The following CA9 variants were observed in gnomAD, a reference collection of about 807,000 sequenced individuals.
The protein encoded by CA9 is carbonic anhydrase 9.
CA9 carries 43 observed loss-of-function variants against 51.8 expected under a neutral mutation model. The ratio of observed to expected loss-of-function variants is 0.83; its 90% CI spans 0.65 to 1.07. The LOEUF is 1.07. Among genes scored for constraint, CA9 ranks in the 50% least tolerant of loss-of-function variants. CA9 has a pLI of 0.00. For missense variants in CA9, 574 were observed against 581.4 expected, an observed-to-expected ratio of 0.99 and a Z score of 0.13; for synonymous variants, 253 against 244.2, an observed-to-expected ratio of 1.04 and a Z score of -0.34.
chr9:35,678,988 C>T (rs2131839575), intron 6 of CA9, among the ~76,000 whole-genome samples, 197 bp from the exon 7 acceptor site: 1 of 152,128 alleles, frequency 6.6e-6, no homozygotes, highest in African/African-American at 2.4e-5. Flanking sequence ...CTCTTGCTTC[C>T]TCAGGCCTCT....
In CA9 at chr9:35,674,288, T is replaced by A. The variant is rs764592232; in HGVS notation, c.329T>A (p.Leu110Ter). The A allele has an allele frequency of 4.3e-6, 7 of 1,614,006 alleles. No homozygotes were observed. Among genetic ancestry groups the A allele is most frequent in the Non-Finnish European group, 5.9e-6 (7 of 1,180,014 alleles). The change falls in exon 1 of 11, where the codon TTA becomes TAA. Residue 110 changes from leucine to a stop codon, truncating the protein, a stop_gained. Coordinates refer to ENST00000378357, the MANE Select transcript of CA9 (RefSeq NM_001216.3). LOFTEE classifies it high-confidence loss of function. ...TCAGAAGAAGAGGGCTCCCTGAAGTTAGAGGATCTACCTACTGTTGAGGCT... is the reference window on the plus strand; with the variant it reads ...TCAGAAGAAGAGGGCTCCCTGAAGTAAGAGGATCTACCTACTGTTGAGGCT... ...PKSEEEGSLK[L>*]EDLPTVEAPG...
At chr9:35,677,743 T>TG in intron 5 of CA9, 47 bp from the exon 6 acceptor site, 1 of 1,494,214 alleles carries the variant, frequency 6.7e-7, no homozygotes, top group Non-Finnish European at 9.3e-7. Flanking sequence ...CCTTCAGCCA[T>TG]GGCCCTGGAT....
chr9:35,679,846 C>T lies in CA9; in HGVS notation c.1066-8C>T. 6.3e-7 allele frequency: 1 copy of T among 1,591,144 alleles called. No homozygotes were observed. Among genetic ancestry groups the T allele is most frequent in the Non-Finnish European group, 8.5e-7 (1 of 1,169,612 alleles). ...GAACCCACCCACACTGTCCACTGAC[C>T]TCCCTAGCTCCACACCCTCTCTGAC... On this transcript the variant is annotated splice_polypyrimidine_tract_variant and splice_region_variant and intron_variant, in intron 7 of 10. Coordinates refer to ENST00000378357, the MANE Select transcript of CA9 (RefSeq NM_001216.3).
Position 35,675,882 on chromosome 9 carries a change from C to T in CA9, c.555C>T (p.Phe185=), listed in dbSNP as rs765842549. The T allele has an allele frequency of 1.2e-6, 2 of 1,606,278 alleles. No homozygotes were observed. Among genetic ancestry groups the T allele is most frequent in the African/African-American group, 2.7e-5 (2 of 75,018 alleles). The change falls in exon 3 of 11, where the codon TTC becomes TTT. Residue 185 remains phenylalanine (F), a synonymous_variant. Transcript: ENST00000378357. The stretch of plus-strand genomic sequence containing the variant: ...TGCGCCCCCTGGAACTCCTGGGCTT[C>T]CAGCTCCCGCCGCTCCCAGAACTGC... ...PALRPLELLG[F]QLPPLPELRL... is the part of the protein sequence containing the mutation.
At chr9:35,676,820 A>T (rs555434495) in intron 5 of CA9, among the ~76,000 whole-genome samples, 1 of 152,254 alleles carries the variant, frequency 6.6e-6, no homozygotes, top group South Asian at 2.1e-4. Context: ...AAGGGAAGGG[A>T]TGGTGAGATG....
chr9:35,680,084 C>T (rs749798307), intron 8 of CA9, 29 bp from the exon 9 acceptor site: 14 of 1,614,160 alleles, frequency 8.7e-6, no homozygotes, highest in East Asian at 4.5e-5. Flanking sequence ...GGTCACAGCC[C>T]GCCTCTCACA....
At position 35,676,057 on chromosome 9, in the gene CA9, T is replaced by C; in HGVS notation, c.605-7T>C. The C allele has an allele frequency of 6.2e-7, 1 of 1,612,770 alleles. No individual in the cohort carries two copies. The highest frequency in any genetic ancestry group is 8.5e-7 in the Non-Finnish European group (1 of 1,179,652). ...CGGGGCCGGCTCACTTGCCTCTCCC[T>C]ACGCAGTGCAACTGACCCTGCCTCC... On this transcript the variant is annotated splice_region_variant and splice_polypyrimidine_tract_variant and intron_variant, in intron 3 of 10. Transcript: ENST00000378357.
chr9:35,678,346 C>CA (rs11327436), intron 6 of CA9, among the ~76,000 whole-genome samples: 37,989 of 93,408 alleles, frequency 0.41, 7,393 homozygotes, highest in Non-Finnish European at 0.53. Context: ...ACTCTTGTCT[C>CA]AAAAAAAAAA....
At chr9:35,680,373 T>C (rs3750432) in intron 9 of CA9, among the ~76,000 whole-genome samples, 29,676 of 142,676 alleles carry the variant, frequency 0.21, 3,562 homozygotes, top group Non-Finnish European at 0.27. Flanking sequence ...ATCCCCCCCC[T>C]TTTTTTAAAG....
chr9:35,678,300 C>T (rs562367779), intron 6 of CA9, among the ~76,000 whole-genome samples: 36 of 146,074 alleles, frequency 2.5e-4, no homozygotes, highest in Non-Finnish European at 3.6e-4. Flanking sequence ...GAGCCGAGAT[C>T]GTGCCACTGC....
At position 35,681,037 on chromosome 9, in the gene CA9, T is replaced by C. The variant is rs764891118; in HGVS notation, c.*12T>C. 2 of 1,612,672 alleles carry C rather than the reference T, an allele frequency of 1.2e-6. No homozygotes were observed. Among genetic ancestry groups the C allele is most frequent in the Non-Finnish European group, 1.7e-6 (2 of 1,179,550 alleles). Reference sequence around the variant, plus strand: ...AGACTGGAGCCTAGAGGCTGGATCTTGGAGAATGTGAGAAGCCAGCCAGAG... The same window carrying C: ...AGACTGGAGCCTAGAGGCTGGATCTCGGAGAATGTGAGAAGCCAGCCAGAG... On this transcript the variant is annotated 3_prime_UTR_variant, in exon 11 of 11. Coordinates refer to ENST00000378357, the MANE Select transcript of CA9 (RefSeq NM_001216.3).
rs1437388875 is a variant in CA9 at position 35,673,969 on chromosome 9, C to G, written c.10C>G (p.Leu4Val). ...CCCCACAGTCAGCCGCATGGCTCCC[C>G]TGTGCCCCAGCCCCTGGCTCCCTCT... The part of the protein sequence containing the change: MAP[L>V]CPSPWLPLLI... The change falls in exon 1 of 11, where the codon CTG (leucine) becomes GTG (valine). Residue 4 changes from leucine to valine, a missense_variant. Physicochemically the swap from Leu to Val is conservative, Grantham distance 32 (BLOSUM62 1). Coordinates refer to ENST00000378357, the MANE Select transcript of CA9 (RefSeq NM_001216.3). The G allele has an allele frequency of 1.2e-6, 2 of 1,601,912 alleles. No homozygotes were observed. Among genetic ancestry groups the G allele is most frequent in the Admixed American group, 1.7e-5 (1 of 59,154 alleles).
chr9:35,674,304 TG>T lies in CA9; in HGVS notation c.346del (p.Val116LeufsTer89). ...CCCTGAAGTTAGAGGATCTACCTACTGTTGAGGCTCCTGGAGATCCTCAAGA... is the reference window on the plus strand; with the variant it reads ...CCCTGAAGTTAGAGGATCTACCTACTTTGAGGCTCCTGGAGATCCTCAAGA... The part of the protein sequence containing the change: ...GSLKLEDLPT[V>X]EAPGDPQEPQ... On this transcript the variant is annotated frameshift_variant, in exon 1 of 11. Coordinates refer to ENST00000378357, the MANE Select transcript of CA9 (RefSeq NM_001216.3). LOFTEE classifies it high-confidence loss of function. 6.2e-7 allele frequency: 1 copy of T among 1,614,120 alleles called. No homozygotes were observed. The highest frequency in any genetic ancestry group is 8.5e-7 in the Non-Finnish European group (1 of 1,179,998).
rs778061487 is a variant in CA9 at position 35,679,862 on chromosome 9, CCTCT to C, written c.1077_1080del (p.Ser360ThrfsTer13). 2 of 1,606,588 alleles carry C rather than the reference CCTCT, an allele frequency of 1.2e-6. No homozygotes were observed. The highest frequency in any genetic ancestry group is 2.7e-5 in the African/African-American group (2 of 74,376). Reference sequence around the variant, plus strand: ...TCCACTGACCTCCCTAGCTCCACACCCTCTCTGACACCCTGTGGGGACCTGGTGA... The same window carrying C: ...TCCACTGACCTCCCTAGCTCCACACCCTGACACCCTGTGGGGACCTGGTGA... On this transcript the variant is annotated frameshift_variant, in exon 8 of 11. Transcript: ENST00000378357. LOFTEE classifies it high-confidence loss of function.
At chr9:35,679,153 A>G (rs766102749) in intron 6 of CA9, 32 bp from the exon 7 acceptor site, 1 of 1,612,818 alleles carries the variant, frequency 6.2e-7, no homozygotes, top group Admixed American at 1.7e-5. Context: ...GGTGCAATGT[A>G]GATGAGACCC....
intron 9 of CA9, among the ~76,000 whole-genome samples, 197 bp downstream of exon 9, chr9:35,680,336 A>G (rs1587947661): frequency 6.6e-6 from 1 of 151,624 alleles, no homozygotes; most frequent in East Asian, 1.9e-4. Flanking sequence ...AGCTTGAGAA[A>G]TCTCCCAGCA....
chr9:35,679,761 G>A, intron 7 of CA9, 93 bp from the exon 8 acceptor site: 1 of 1,227,942 alleles, frequency 8.1e-7, no homozygotes, highest in African/African-American at 1.5e-5. Flanking sequence ...GAGCTGGAGG[G>A]TGGAGCCCTG....
In CA9 at chr9:35,675,783, G is replaced by A. The variant is rs1824404590; in HGVS notation, c.456G>A (p.Val152=). 6.2e-7 allele frequency: 1 copy of A among 1,602,700 alleles called. No individual in the cohort carries two copies. Among genetic ancestry groups the A allele is most frequent in the Non-Finnish European group, 8.5e-7 (1 of 1,179,140 alleles). Residue 152 remains valine (V), a synonymous_variant, in exon 3 of 11, where the codon GTG becomes GTA. Coordinates refer to ENST00000378357, the MANE Select transcript of CA9 (RefSeq NM_001216.3). ...RYGGDPPWPR[V]SPACAGRFQS... Reference sequence around the variant, plus strand: ...CAGGCGACCCGCCCTGGCCCCGGGTGTCCCCAGCCTGCGCGGGCCGCTTCC... The same window carrying A: ...CAGGCGACCCGCCCTGGCCCCGGGTATCCCCAGCCTGCGCGGGCCGCTTCC...
At chr9:35,679,666 A>G (rs1275274662) in intron 7 of CA9, among the ~76,000 whole-genome samples, 188 bp from the exon 8 acceptor site, 2 of 152,174 alleles carry the variant, frequency 1.3e-5, no homozygotes, top group African/African-American at 4.8e-5. Context: ...GACTGCAGTG[A>G]GCTATGATCC....
Sources: allele counts gnomAD v4.1 joint callset (sites outside exome capture counted in the v4.1 genomes callset), GRCh38; gene constraint gnomAD v4.1.1; transcripts MANE v1.5; gene names NCBI Gene and HGNC (gene_info 2026-07-23, HGNC 2026-07-21).